The following MTHFD1 variants were observed in gnomAD, a reference collection of about 807,000 sequenced individuals.
The protein encoded by MTHFD1 is methylenetetrahydrofolate dehydrogenase, cyclohydrolase and formyltetrahydrofolate synthetase 1, also known as C-1-tetrahydrofolate synthase, cytoplasmic.
Under a neutral mutation model 110.3 loss-of-function variants are expected in MTHFD1, and 44 were observed. The observed-to-expected ratio is 0.40, with a 90% confidence interval of 0.31 to 0.51. The LOEUF is 0.51. Among genes scored for constraint, MTHFD1 ranks in the 20% least tolerant of loss-of-function variants. The pLI, the probability that MTHFD1 is intolerant of heterozygous loss-of-function variation, is 0.60. For missense variants in MTHFD1, 909 were observed against 1,173.1 expected, an observed-to-expected ratio of 0.77 and a Z score of 3.29; for synonymous variants, 402 against 428.8, an observed-to-expected ratio of 0.94 and a Z score of 0.77.
At chr14:64,393,142 G>A (rs574954272) in intron 1 of MTHFD1, among the ~76,000 whole-genome samples, 1 of 152,352 alleles carries the variant, frequency 6.6e-6, no homozygotes, top group Non-Finnish European at 1.5e-5. Context: ...GCTCATGCCT[G>A]TAATCCTAGG....
intron 12 of MTHFD1, 58 bp from the exon 13 acceptor site, chr14:64,430,126 T>G (rs2078146079): frequency 7.0e-7 from 1 of 1,438,102 alleles, no homozygotes; most frequent in Admixed American, 1.7e-5. Flanking sequence ...TTTATTTGAT[T>G]TCTAAGTCAT....
chr14:64,426,369 T>G (rs1178207434), intron 11 of MTHFD1, among the ~76,000 whole-genome samples, 177 bp downstream of exon 11: 1 of 152,236 alleles, frequency 6.6e-6, no homozygotes, highest in Non-Finnish European at 1.5e-5. Context: ...AAGAATAGAT[T>G]ATAATCATAG....
At chr14:64,406,012 T>C (rs1376255247) in intron 2 of MTHFD1, among the ~76,000 whole-genome samples, 2 of 148,024 alleles carry the variant, frequency 1.4e-5, no homozygotes, top group African/African-American at 4.9e-5. Flanking sequence ...TGTGTGTGTG[T>C]ATATATATAT....
intron 15 of MTHFD1, among the ~76,000 whole-genome samples, chr14:64,434,949 CTTTTTTTTTTTTTTT>C (rs374039248): frequency 1.2e-5 from 1 of 80,824 alleles, no homozygotes; most frequent in Non-Finnish European, 2.4e-5. Flanking sequence ...TCCCTCTTTT[CTTTTTTTTTTTTTTT>C]TTTTTTTTTT....
At chr14:64,441,948 G>T in intron 19 of MTHFD1, 106 bp from the exon 20 acceptor site, 1 of 773,030 alleles carries the variant, frequency 1.3e-6, no homozygotes. Context: ...TTCCCTCTGG[G>T]AAGTATTCTT....
intron 16 of MTHFD1, 43 bp from the exon 17 acceptor site, chr14:64,439,053 C>A: frequency 7.1e-7 from 1 of 1,418,176 alleles, no homozygotes; most frequent in South Asian, 1.1e-5. Context: ...ACTTTGTGGT[C>A]CTTTTACTCA....
intron 24 of MTHFD1, among the ~76,000 whole-genome samples, chr14:64,452,921 A>G (rs1227647344): frequency 6.6e-6 from 1 of 151,886 alleles, no homozygotes; most frequent in Admixed American, 6.5e-5. Context: ...GAGTGTTGCT[A>G]TGTTGCCCAG....
At chr14:64,453,715 G>T in intron 24 of MTHFD1, 39 bp from the exon 25 acceptor site, 1 of 1,218,556 alleles carries the variant, frequency 8.2e-7, no homozygotes, top group Admixed American at 1.7e-5. Flanking sequence ...CCTCACATGT[G>T]TCCAGTCATG....
chr14:64,448,478 G>C (rs1446752536), intron 23 of MTHFD1, 161 bp downstream of exon 23: 1 of 672,030 alleles, frequency 1.5e-6, no homozygotes, highest in East Asian at 2.8e-5. Context: ...GTCACTGCGG[G>C]CTCACCACCT....
rs375602166 is a variant in MTHFD1, at chr14:64,410,410, G to A, written c.127-680G>A. 3.7e-4 allele frequency among the ~76,000 whole-genome samples: 22 copies of A among 58,718 alleles called. No homozygotes were observed. The South Asian group carries it at 5.4e-3, about 14-fold the overall frequency. 38.5% of individuals were successfully genotyped at this position (58,718 alleles called of 152,430 possible). On this transcript the variant is annotated intron_variant, in intron 2 of 27. Transcript: ENST00000652337. Reference sequence around the variant, plus strand: ...CCTGGCTAATTTTTTGTAAAGATGGGGGGGGGGGTCTCACTATGTTGCCCA... The same window carrying A: ...CCTGGCTAATTTTTTGTAAAGATGGAGGGGGGGGTCTCACTATGTTGCCCA...
chr14:64,414,968 C>T (rs2078014156), intron 4 of MTHFD1, among the ~76,000 whole-genome samples: 1 of 150,030 alleles, frequency 6.7e-6, no homozygotes, highest in African/African-American at 2.5e-5. Context: ...GAATTACAGT[C>T]GTGAACCACC....
At position 64,439,157 on chromosome 14, in the gene MTHFD1, G is replaced by A. The variant is rs775761545; in HGVS notation, c.1659G>A (p.Lys553=). ...KITIGQAPTE[K]GHTRTAQFDI... ...CGATTGGACAGGCTCCAACGGAGAA[G>A]GGTCACACACGGACGGTAACAATTT... The change falls in exon 17 of 28, where the codon AAG becomes AAA. Residue 553 remains lysine (K), a synonymous_variant. Coordinates refer to ENST00000652337, the MANE Select transcript of MTHFD1 (RefSeq NM_005956.4). 7 of 1,613,872 alleles carry A rather than the reference G, an allele frequency of 4.3e-6. No homozygotes were observed. The highest frequency in any genetic ancestry group is 5.1e-6 in the Non-Finnish European group (6 of 1,179,740).
chr14:64,431,580 A>C lies in MTHFD1; in HGVS notation c.1360A>C (p.Asn454His). The change falls in exon 14 of 28, where the codon AAC becomes CAC. Residue 454 changes from asparagine to histidine, a missense_variant. Around this residue, in one of 3 missense-constraint regions of MTHFD1, gnomAD observed 482 missense variants for 646.0 expected, o/e 0.75. Transcript: ENST00000652337. Reference protein sequence around the residue: ...GDIHAITAANNLVAAAIDARI... With the variant: ...GDIHAITAANHLVAAAIDARI... ...CATCCATGCCATCACTGCAGCTAATAACCTCGTTGCTGCGGCCATTGATGC... is the reference window on the plus strand; with the variant it reads ...CATCCATGCCATCACTGCAGCTAATCACCTCGTTGCTGCGGCCATTGATGC... 6.2e-7 allele frequency: 1 copy of C among 1,614,182 alleles called. No individual in the cohort carries two copies.
chr14:64,439,206 C>T (rs1421163111), intron 17 of MTHFD1, 34 bp downstream of exon 17: 1 of 1,506,516 alleles, frequency 6.6e-7, no homozygotes, highest in African/African-American at 1.4e-5. Context: ...GAAATTAGTT[C>T]AGAGGCACTA....
chr14:64,397,167 ATATATATATATATATATATATAT>A, intron 1 of MTHFD1, among the ~76,000 whole-genome samples: 1 of 22,420 alleles, frequency 4.5e-5, no homozygotes, highest in African/African-American at 2.6e-4. Context: ...ATATATATAT[ATATATATATATATATATATATAT>A]AAAAAACAGT....
intron 2 of MTHFD1, among the ~76,000 whole-genome samples, chr14:64,401,108 T>C (rs979902905): frequency 3.9e-5 from 6 of 152,170 alleles, no homozygotes; most frequent in Admixed American, 3.3e-4. Context: ...CTCTTAACCT[T>C]TGGTCTTAGT....
chr14:64,421,947 G>T (rs778956101), intron 8 of MTHFD1, among the ~76,000 whole-genome samples: 1 of 151,968 alleles, frequency 6.6e-6, no homozygotes, highest in African/African-American at 2.4e-5. Context: ...TTAAAACCTC[G>T]CATCTTCTGT....
chr14:64,409,109 T>C (rs1007786890), intron 2 of MTHFD1, among the ~76,000 whole-genome samples: 3 of 152,156 alleles, frequency 2.0e-5, no homozygotes, highest in African/African-American at 7.2e-5. Flanking sequence ...ACAAACTCCT[T>C]CAGAAATATT....
At position 64,449,597 on chromosome 14, in the gene MTHFD1, G is replaced by A; in HGVS notation, c.2432G>A (p.Ser811Asn). 6.2e-7 allele frequency: 1 copy of A among 1,614,154 alleles called. No individual in the cohort carries two copies. The highest frequency in any genetic ancestry group is 1.3e-5 in the African/African-American group (1 of 75,044). ...AVQRAAQAPS[S>N]FQLLYDLKLP... ...CAGAGAGCAGCACAAGCACCCAGCA[G>A]CTTCCAGCTCCTTTATGACCTCAAG... The change falls in exon 24 of 28, where the codon AGC becomes AAC. Residue 811 changes from serine (S) to asparagine (N), a missense_variant. Coordinates refer to ENST00000652337, the MANE Select transcript of MTHFD1 (RefSeq NM_005956.4).
Sources: gnomAD v4.1 joint callset for allele counts (sites outside exome capture counted in the v4.1 genomes callset) on GRCh38, gnomAD v4.1.1 for gene constraint, gnomAD v4.1.1 regional missense constraint, MANE v1.5 for transcripts, NCBI Gene and HGNC (gene_info 2026-07-23, HGNC 2026-07-21) for gene names.